The following DRC10 variants were observed in gnomAD, a reference collection of about 807,000 sequenced individuals.
The protein encoded by DRC10 is dynein regulatory complex subunit 10.
chr12:113,208,149 G>C, the DRC10 span: 110 of 1,613,288 alleles, frequency 6.8e-5, no homozygotes, highest in Non-Finnish European at 8.8e-5. Context: ...GGGCCATGGC[G>C]AGAATGTCTA....
At chr12:113,196,934 A>G in the DRC10 span, among the ~76,000 whole-genome samples, 2 of 152,234 alleles carry the variant, frequency 1.3e-5, no homozygotes, top group Non-Finnish European at 1.5e-5. Context: ...TGCTAATCAG[A>G]TGCAGAAACG....
chr12:113,196,708 C>T, the DRC10 span, among the ~76,000 whole-genome samples: 167 of 152,344 alleles, frequency 1.1e-3, no homozygotes, highest in African/African-American at 3.8e-3. Context: ...CCAGTGCTCT[C>T]CAGTGCTCCC....
chr12:113,203,079 A>T, the DRC10 span: 5 of 451,818 alleles, frequency 1.1e-5, no homozygotes, highest in East Asian at 3.5e-4. Context: ...AGGCTGGAGT[A>T]CAGTGGTGCG....
the DRC10 span, among the ~76,000 whole-genome samples, chr12:113,212,134 G>T: frequency 6.6e-6 from 1 of 150,524 alleles, no homozygotes; most frequent in East Asian, 2.0e-4. Flanking sequence ...GCAATGGTGT[G>T]ATTTGGGCTC....
the DRC10 span, among the ~76,000 whole-genome samples, chr12:113,219,423 A>C: frequency 6.6e-6 from 1 of 152,170 alleles, no homozygotes; most frequent in Non-Finnish European, 1.5e-5. Flanking sequence ...CAACATATGA[A>C]AGCTACAGTT....
chr12:113,195,559 G>A, the DRC10 span: 74 of 1,569,642 alleles, frequency 4.7e-5, no homozygotes, highest in East Asian at 1.3e-3. Context: ...GGTCAGGAGC[G>A]GGCTGGGTGG....
At chr12:113,202,747 G>T in the DRC10 span, among the ~76,000 whole-genome samples, 1 of 152,210 alleles carries the variant, frequency 6.6e-6, no homozygotes, top group African/African-American at 2.4e-5. Context: ...GAAGTCCCAT[G>T]TTGGGGACAG....
At chr12:113,203,152 A>C in the DRC10 span, 1 of 397,286 alleles carries the variant, frequency 2.5e-6, no homozygotes, top group Non-Finnish European at 5.1e-6. Flanking sequence ...CAGCTTCCTG[A>C]GTAGCTGGGA....
the DRC10 span, among the ~76,000 whole-genome samples, chr12:113,217,592 C>T: frequency 2.0e-5 from 3 of 152,274 alleles, no homozygotes; most frequent in East Asian, 1.9e-4. Flanking sequence ...AGTGCAGTGG[C>T]GTAATCTCGG....
the DRC10 span, among the ~76,000 whole-genome samples, chr12:113,202,509 G>A: frequency 2.6e-5 from 4 of 152,222 alleles, no homozygotes; most frequent in African/African-American, 9.6e-5. Context: ...AGGCTGTGGG[G>A]TAGAATGTGG....
the DRC10 span, among the ~76,000 whole-genome samples, chr12:113,196,319 G>A: frequency 6.6e-6 from 1 of 152,186 alleles, no homozygotes; most frequent in Admixed American, 6.5e-5. Context: ...ACAAGAAATG[G>A]AGGCTGCTGC....
chr12:113,219,807 T>A, the DRC10 span, among the ~76,000 whole-genome samples: 2 of 151,896 alleles, frequency 1.3e-5, no homozygotes, highest in Admixed American at 6.6e-5. Flanking sequence ...TTTATTTATT[T>A]ATTTATTTAT....
At chr12:113,196,827 T>C in the DRC10 span, among the ~76,000 whole-genome samples, 2 of 152,232 alleles carry the variant, frequency 1.3e-5, no homozygotes, top group African/African-American at 2.4e-5. Flanking sequence ...CCCTGAGCAC[T>C]TCCCTCCAGG....
At chr12:113,201,175 TCA>T in the DRC10 span, among the ~76,000 whole-genome samples, 1 of 151,430 alleles carries the variant, frequency 6.6e-6, no homozygotes, top group Admixed American at 6.6e-5. Flanking sequence ...CCACTGACAG[TCA>T]CCAGAGGCTG....
chr12:113,196,322 G>C, the DRC10 span, among the ~76,000 whole-genome samples: 2 of 152,198 alleles, frequency 1.3e-5, no homozygotes, highest in African/African-American at 4.8e-5. Context: ...AGAAATGGAG[G>C]CTGCTGCCAT....
the DRC10 span, among the ~76,000 whole-genome samples, chr12:113,204,861 G>A: frequency 1.3e-5 from 2 of 152,110 alleles, no homozygotes; most frequent in African/African-American, 2.4e-5. Flanking sequence ...CCTGGGAGGT[G>A]AAGGCTGCAG....
the DRC10 span, among the ~76,000 whole-genome samples, chr12:113,202,809 A>G: frequency 2.3e-3 from 349 of 152,310 alleles, 1 homozygote; most frequent in Non-Finnish European, 4.0e-3. Context: ...GGGAGCAGAG[A>G]TGCCACACCA....
the DRC10 span, chr12:113,208,398 G>T: frequency 7.6e-7 from 1 of 1,317,340 alleles, no homozygotes; most frequent in Non-Finnish European, 9.7e-7. Flanking sequence ...TTCACTGGAA[G>T]CAGTTTTCAG....
the DRC10 span, among the ~76,000 whole-genome samples, chr12:113,198,448 C>A: frequency 6.6e-6 from 1 of 152,060 alleles, no homozygotes; most frequent in South Asian, 2.1e-4. Flanking sequence ...ATTATTTCCA[C>A]CATAAAAAGC....
Sources: gnomAD v4.1 joint callset for allele counts (sites outside exome capture counted in the v4.1 genomes callset) on GRCh38, gnomAD v4.1.1 for gene constraint, MANE v1.5 for transcripts, NCBI Gene and HGNC (gene_info 2026-07-23, HGNC 2026-07-21) for gene names.